Variants in UBE3B observed in about 807,000 individuals in gnomAD.
UBE3B encodes ubiquitin protein ligase E3B.
In UBE3B, 80 loss-of-function variants were observed where a neutral mutation model predicts 132.3. The observed-to-expected ratio is 0.60, with a 90% CI of 0.50 to 0.73. The LOEUF (loss-of-function observed/expected upper bound fraction) is 0.73. Ranked by LOEUF, UBE3B falls within the 30% of genes least tolerant of loss-of-function variation. The pLI, the probability that UBE3B is intolerant of heterozygous loss-of-function variation, is 0.00. For missense variants in UBE3B, 1,196 were observed against 1,362.5 expected, an observed-to-expected ratio of 0.88 and a Z score of 1.92; for synonymous variants, 487 against 520.4, an observed-to-expected ratio of 0.94 and a Z score of 0.87.
At chr12:109,527,358 G>T (rs539361227) in intron 24 of UBE3B, among the ~76,000 whole-genome samples, 2 of 152,264 alleles carry the variant, frequency 1.3e-5, no homozygotes, top group South Asian at 4.2e-4. Flanking sequence ...GCAGACATTG[G>T]CCCCCTTGTC....
intron 14 of UBE3B, among the ~76,000 whole-genome samples, chr12:109,504,057 A>G (rs1009836308): frequency 3.9e-5 from 6 of 152,206 alleles, no homozygotes; most frequent in African/African-American, 1.4e-4. Context: ...GAAAATAAGC[A>G]AGTAAAAAGT....
At chr12:109,487,988 A>T (rs985077048) in intron 6 of UBE3B, among the ~76,000 whole-genome samples, 1 of 152,232 alleles carries the variant, frequency 6.6e-6, no homozygotes, top group African/African-American at 2.4e-5. Context: ...ATGAACTGTC[A>T]TCAAAATTAG....
intron 19 of UBE3B, chr12:109,519,432 G>C (rs1881444225): frequency 6.6e-6 from 1 of 152,296 alleles, no homozygotes; most frequent in African/African-American, 2.4e-5. Context: ...GGCTGGTGTG[G>C]AGCTGATCAA....
intron 21 of UBE3B, 46 bp from the exon 22 acceptor site, chr12:109,523,932 A>G (rs766397846): frequency 6.1e-5 from 98 of 1,610,294 alleles, no homozygotes; most frequent in Non-Finnish European, 8.1e-5. Flanking sequence ...CAAACACTGC[A>G]TCAGAATCCT....
At chr12:109,480,757 G>C (rs1422376641) in intron 1 of UBE3B, among the ~76,000 whole-genome samples, 2 of 152,146 alleles carry the variant, frequency 1.3e-5, no homozygotes, top group Non-Finnish European at 2.9e-5. Flanking sequence ...TCACTGTGCA[G>C]TGCTGCTTCA....
intron 13 of UBE3B, among the ~76,000 whole-genome samples, chr12:109,502,591 T>A (rs1879137884): frequency 6.6e-6 from 1 of 152,186 alleles, no homozygotes; most frequent in African/African-American, 2.4e-5. Context: ...AAAGGTAGAA[T>A]ATCATTCAAA....
rs1451427468 is a variant in UBE3B, at chr12:109,511,261, G to A, written c.1914G>A (p.Gln638=). The part of the protein sequence containing the change: ...QELDRDRKRA[Q]LILQYIPHVI... ...TCGACAGGGACAGAAAACGGGCACA[G>A]TTGATCCTGCAGTACATCCCACATG... The change falls in exon 18 of 28, where the codon CAG becomes CAA. Residue 638 remains glutamine (Q), a synonymous_variant. Coordinates refer to ENST00000342494, the MANE Select transcript of UBE3B (RefSeq NM_130466.4). 1 of 1,614,212 alleles carries A rather than the reference G, an allele frequency of 6.2e-7. No homozygotes were observed. The highest frequency in any genetic ancestry group is 8.5e-7 in the Non-Finnish European group (1 of 1,180,026).
rs559728881 is a variant in UBE3B, at chr12:109,522,173, G to A, written c.2364+622G>A. On this transcript the variant is annotated intron_variant, in intron 21 of 27. Coordinates refer to ENST00000342494, the MANE Select transcript of UBE3B (RefSeq NM_130466.4). The surrounding 1 kb of genome is among the most constrained non-coding windows in gnomAD (Gnocchi z 4.2). ...CCACATTCCTGGGTTGCCGTTAATG[G>A]TAAGTGAGGAGGGCCTTCTACGGTG... Among the ~76,000 whole-genome samples the A allele has an allele frequency of 5.3e-5, 8 of 152,294 alleles. 1 individual carries two copies. The South Asian group carries it at 1.7e-3, about 32-fold the overall frequency.
intron 27 of UBE3B, 152 bp downstream of exon 27, chr12:109,533,710 C>CCTGCCGTGAGA: frequency 1.1e-6 from 1 of 881,524 alleles, no homozygotes; most frequent in Non-Finnish European, 1.8e-6. Flanking sequence ...CCACAGTTCT[C>CCTGCCGTGAGA]ACGGCAGGAG....
At chr12:109,546,939 G>A in the UBE3B span, among the ~76,000 whole-genome samples, 8 of 152,086 alleles carry the variant, frequency 5.3e-5, no homozygotes, top group Non-Finnish European at 1.5e-5. Context: ...TGAACTCCTG[G>A]GCTCAAGCGA....
chr12:109,533,172 C>G (rs1566117981), intron 26 of UBE3B, among the ~76,000 whole-genome samples: 1 of 152,222 alleles, frequency 6.6e-6, no homozygotes, highest in Non-Finnish European at 1.5e-5. Context: ...AGTGCCCTGG[C>G]TGGGCATTTG....
intron 1 of UBE3B, 58 bp from the exon 2 acceptor site, chr12:109,481,579 A>G (rs1875442767): frequency 6.6e-6 from 1 of 152,226 alleles, no homozygotes; most frequent in African/African-American, 2.4e-5. Context: ...AAGATGTATG[A>G]TACCACACCT....
Position 109,521,367 on chromosome 12 carries a change from C to G in UBE3B, c.2253+43C>G, listed in dbSNP as rs1281581276. 1 of 1,604,790 alleles carries G rather than the reference C, an allele frequency of 6.2e-7. No individual in the cohort carries two copies. The highest frequency in any genetic ancestry group is 8.5e-7 in the Non-Finnish European group (1 of 1,172,308). ...CAGCAGGGCTGACAGCAGCCAGATTCAAGAAGTGAAGAGCTGGGCTTGCTC... is the reference window on the plus strand; with the variant it reads ...CAGCAGGGCTGACAGCAGCCAGATTGAAGAAGTGAAGAGCTGGGCTTGCTC... On this transcript the variant is annotated intron_variant, in intron 20 of 27. Coordinates refer to ENST00000342494, the MANE Select transcript of UBE3B (RefSeq NM_130466.4). This position sits in a 1 kb window ranked among gnomAD's most constrained non-coding sequence, Gnocchi z 4.2.
At chr12:109,537,290 G>A (rs565019396), downstream of UBE3B, among the ~76,000 whole-genome samples, 11 of 152,196 alleles carry the variant, frequency 7.2e-5, no homozygotes, top group South Asian at 4.1e-4. Flanking sequence ...CACAGGACAC[G>A]CAGCCGTTCT....
intron 15 of UBE3B, chr12:109,508,982 G>A (rs1880019474): frequency 6.5e-6 from 1 of 154,284 alleles, no homozygotes; most frequent in Admixed American, 6.5e-5. Context: ...CGTGAATTGA[G>A]GTGTGAATTA....
chr12:109,503,318 C>T (rs1879230636), intron 14 of UBE3B, 128 bp downstream of exon 14: 8 of 1,262,784 alleles, frequency 6.3e-6, no homozygotes, highest in Non-Finnish European at 8.6e-6. Flanking sequence ...CATTTTTGAG[C>T]TGTTCCTCTT....
chr12:109,521,464 G>A lies in UBE3B; in HGVS notation c.2277G>A (p.Leu759=), dbSNP rs180979906. The A allele has an allele frequency of 5.6e-6, 9 of 1,593,992 alleles. No individual in the cohort carries two copies. In the East Asian group the frequency reaches 1.6e-4, roughly 28 times the overall value. Residue 759 remains leucine, a synonymous_variant, in exon 21 of 28, where the codon CTG becomes CTA. Coordinates refer to ENST00000342494, the MANE Select transcript of UBE3B (RefSeq NM_130466.4). This position sits in a 1 kb window ranked among gnomAD's most constrained non-coding sequence, Gnocchi z 4.2. Reference sequence around the variant, plus strand: ...AGACAACCAGTGGGGATGAGAGGCTGTACCCCTCACCCACATCCTACATCC... The same window carrying A: ...AGACAACCAGTGGGGATGAGAGGCTATACCCCTCACCCACATCCTACATCC... ...LFKTTSGDER[L]YPSPTSYIHE... is the part of the protein sequence containing the mutation.
downstream of UBE3B, among the ~76,000 whole-genome samples, chr12:109,540,388 T>A (rs577105418): frequency 2.0e-5 from 3 of 152,282 alleles, no homozygotes; most frequent in East Asian, 5.8e-4. Context: ...ATTTTGTATT[T>A]TTTATAGAAA....
chr12:109,495,408 C>T (rs1878043829), intron 9 of UBE3B, among the ~76,000 whole-genome samples: 1 of 152,192 alleles, frequency 6.6e-6, no homozygotes, highest in Non-Finnish European at 1.5e-5. Flanking sequence ...ATTCACATCT[C>T]ATACACTTTA....
Sources: allele counts gnomAD v4.1 joint callset (sites outside exome capture counted in the v4.1 genomes callset), GRCh38; gene constraint gnomAD v4.1.1; non-coding constraint Gnocchi (gnomAD v3.1); transcripts MANE v1.5; gene names NCBI Gene and HGNC (gene_info 2026-07-23, HGNC 2026-07-21).